Variants in NUMB observed in about 807,000 individuals in gnomAD.
NUMB encodes protein numb homolog.
NUMB carries 29 observed loss-of-function variants against 59.7 expected under a neutral mutation model. The observed-to-expected ratio is 0.49, with a 90% CI of 0.36 to 0.66. NUMB has a LOEUF of 0.66. Among genes scored for constraint, NUMB ranks in the 30% least tolerant of loss-of-function variants. The pLI, the probability that NUMB is intolerant of heterozygous loss-of-function variation, is 0.00. For missense variants in NUMB, 723 were observed against 822.0 expected (o/e 0.88, Z 1.47); for synonymous variants, 288 against 288.2 (o/e 1.00, Z 0.01).
chr14:73,422,106 T>C (rs1198701277), intron 1 of NUMB, among the ~76,000 whole-genome samples: 2 of 150,982 alleles, frequency 1.3e-5, no homozygotes, highest in Admixed American at 6.6e-5. Context: ...ATTGCACCAC[T>C]ACACCCCAGC....
At chr14:73,356,374 G>A (rs2333135) in intron 3 of NUMB, among the ~76,000 whole-genome samples, 35,318 of 152,170 alleles carry the variant, frequency 0.23, 5,065 homozygotes, top group East Asian at 0.67. Flanking sequence ...CAGGTGCAAT[G>A]GCTCATGCCT....
intron 2 of NUMB, among the ~76,000 whole-genome samples, chr14:73,405,962 G>C (rs1025156187): frequency 6.6e-6 from 1 of 152,142 alleles, no homozygotes; most frequent in South Asian, 2.1e-4. Context: ...TGACCAATGG[G>C]TGGAACACTT....
At chr14:73,389,978 C>T (rs184226273) in intron 2 of NUMB, among the ~76,000 whole-genome samples, 19 of 151,984 alleles carry the variant, frequency 1.3e-4, no homozygotes, top group South Asian at 4.1e-4. Context: ...AACATTATAA[C>T]ATAACCCATG....
intron 2 of NUMB, among the ~76,000 whole-genome samples, chr14:73,379,490 A>G (rs576386830): frequency 2.0e-5 from 3 of 152,354 alleles, no homozygotes; most frequent in South Asian, 2.1e-4. Flanking sequence ...CAAATACATA[A>G]TATGTTGAGA....
At chr14:73,448,086 C>T (rs1345992969) in intron 1 of NUMB, among the ~76,000 whole-genome samples, 3 of 152,054 alleles carry the variant, frequency 2.0e-5, no homozygotes, top group Non-Finnish European at 4.4e-5. Flanking sequence ...CATGAGCCAC[C>T]GCATCTGGCC....
rs373454778 is a variant in NUMB, at chr14:73,358,028, G to A, written c.-15-2262C>T. 4.8e-4 allele frequency among the ~76,000 whole-genome samples: 73 copies of A among 151,946 alleles called. 3 individuals carry two copies. The South Asian group carries it at 0.015, about 30-fold the overall frequency. ...AGCCAGACACCTGAAAATCATCCCT[G>A]CACTCAGCCTTTCTCTGGCCTGATT... is the stretch of plus-strand genomic sequence containing the variant. On this transcript the variant is annotated intron_variant, in intron 3 of 12. Transcript: ENST00000555238.
chr14:73,313,502 TTATAAAATTA>T (rs2139894591), intron 6 of NUMB, among the ~76,000 whole-genome samples: 1 of 150,362 alleles, frequency 6.7e-6, no homozygotes, highest in Non-Finnish European at 1.5e-5. Context: ...TATACAATAA[TTATAAAATTA>T]TATAAAATTA....
At chr14:73,370,343 T>C (rs10149442) in intron 2 of NUMB, among the ~76,000 whole-genome samples, 35,775 of 152,142 alleles carry the variant, frequency 0.24, 5,124 homozygotes, top group East Asian at 0.67. Context: ...CAAATAAATA[T>C]AGAACATGAG....
chr14:73,410,937 T>G (rs996064081), intron 1 of NUMB, among the ~76,000 whole-genome samples: 1 of 152,204 alleles, frequency 6.6e-6, no homozygotes, highest in Non-Finnish European at 1.5e-5. Context: ...AATAGGGAAA[T>G]AGACACATAT....
rs1371946356 is a variant in NUMB at position 73,282,496 on chromosome 14, A to G, written c.959T>C (p.Val320Ala). The change falls in exon 11 of 13, where the codon GTA becomes GCA. Residue 320 changes from valine to alanine, a missense_variant. Physicochemically the swap from Val to Ala is moderately conservative, Grantham distance 64. Around this residue, in one of 2 missense-constraint regions of NUMB, gnomAD observed 317 missense variants for 436.6 expected, o/e 0.73. Coordinates refer to ENST00000555238, the MANE Select transcript of NUMB (RefSeq NM_001005743.2). ...GCTGATGCTCTCTGCCTCCCCTTCT[A>G]CTTCTGGCACTGCAAGGCAAACAGA... ...DFPIKNAVPE[V>A]EGEAESISSL... 6.2e-7 allele frequency: 1 copy of G among 1,612,840 alleles called. No individual in the cohort carries two copies. Among genetic ancestry groups the G allele is most frequent in the East Asian group, 2.2e-5 (1 of 44,898 alleles).
At chr14:73,372,343 T>TTATATA (rs60502086) in intron 2 of NUMB, among the ~76,000 whole-genome samples, 10 of 100,782 alleles carry the variant, frequency 9.9e-5, no homozygotes, top group South Asian at 2.9e-4. Flanking sequence ...ATATAACCTT[T>TTATATA]TATATATATA....
chr14:73,425,528 C>T (rs973131741), intron 1 of NUMB, among the ~76,000 whole-genome samples: 5 of 152,038 alleles, frequency 3.3e-5, no homozygotes, highest in Non-Finnish European at 7.4e-5. Context: ...TTAAATGTCT[C>T]ACCCAAGTGC....
intron 2 of NUMB, among the ~76,000 whole-genome samples, chr14:73,376,989 G>T (rs188855531): frequency 2.6e-5 from 4 of 152,258 alleles, no homozygotes; most frequent in Non-Finnish European, 5.9e-5. Flanking sequence ...AACAAATGGT[G>T]CTGTAGTAAC....
chr14:73,282,480 C>T lies in NUMB; in HGVS notation c.975G>A (p.Glu325=), dbSNP rs114363522. ...NAVPEVEGEA[E]SISSLCSQIT... ...TCTGTGAGCACAGGGAGCTGATGCT[C>T]TCTGCCTCCCCTTCTACTTCTGGCA... Residue 325 remains glutamate (E), a synonymous_variant, in exon 11 of 13, where the codon GAG becomes GAA. Coordinates refer to ENST00000555238, the MANE Select transcript of NUMB (RefSeq NM_001005743.2). The T allele has an allele frequency of 1.2e-3, 1,996 of 1,613,998 alleles. 54 individuals carry two copies. In the Admixed American group the frequency reaches 0.027, roughly 22 times the overall value.
At chr14:73,280,529 C>A (rs1403612153) in intron 11 of NUMB, among the ~76,000 whole-genome samples, 1 of 151,790 alleles carries the variant, frequency 6.6e-6, no homozygotes, top group Non-Finnish European at 1.5e-5. Context: ...AATCTGCTAA[C>A]CCTTGTTCCT....
Position 73,380,867 on chromosome 14 carries a change from G to A in NUMB, c.-100-13886C>T, listed in dbSNP as rs573519820. ...AACCTCCCAAGTAGCTGGGATTACA[G>A]GTGCGTGCTACCACACCCAGCTAAT... On this transcript the variant is annotated intron_variant, in intron 2 of 12. Coordinates refer to ENST00000555238, the MANE Select transcript of NUMB (RefSeq NM_001005743.2). 3.4e-4 allele frequency among the ~76,000 whole-genome samples: 52 copies of A among 151,916 alleles called. 1 individual carries two copies. The highest frequency in any genetic ancestry group is 1.5e-3 in the South Asian group (7 of 4,810).
chr14:73,429,971 CA>C (rs1336831173), intron 1 of NUMB, among the ~76,000 whole-genome samples: 1 of 151,022 alleles, frequency 6.6e-6, no homozygotes, highest in African/African-American at 2.4e-5. Flanking sequence ...ATTAAAATGG[CA>C]AAAACCGCAA....
At chr14:73,406,844 GTGA>G (rs559237444) in intron 2 of NUMB, among the ~76,000 whole-genome samples, 1,881 of 152,256 alleles carry the variant, frequency 0.012, 39 homozygotes, top group African/African-American at 0.043. Context: ...CTGATGGCCA[GTGA>G]TGATGAGCAT....
chr14:73,390,078 G>C (rs966880791), intron 2 of NUMB, among the ~76,000 whole-genome samples: 3 of 152,136 alleles, frequency 2.0e-5, no homozygotes, highest in African/African-American at 7.2e-5. Context: ...AGAAATATTT[G>C]ATCCAACATT....
Sources: gnomAD v4.1 joint callset for allele counts (sites outside exome capture counted in the v4.1 genomes callset) on GRCh38, gnomAD v4.1.1 for gene constraint, gnomAD v4.1.1 regional missense constraint, MANE v1.5 for transcripts, NCBI Gene and HGNC (gene_info 2026-07-23, HGNC 2026-07-21) for gene names.